KCNQ5: variants seen among roughly 807,000 people sequenced by gnomAD.
KCNQ5 encodes the protein potassium voltage-gated channel subfamily Q member 5.
KCNQ5 carries 30 observed loss-of-function variants against 98.2 expected under a neutral mutation model. The observed-to-expected ratio is 0.31, with a 90% CI of 0.23 to 0.41. The LOEUF (loss-of-function observed/expected upper bound fraction) is 0.41. KCNQ5 is among the 10% of genes least tolerant of loss of function. The pLI is 1.00. For synonymous variants in KCNQ5, 458 were observed against 449.4 expected (o/e 1.02, Z -0.24); for missense variants, 835 against 1,182.5 (o/e 0.71, Z 4.31).
At chr6:73,009,524 G>C (rs1769967569) in intron 2 of KCNQ5, among the ~76,000 whole-genome samples, 1 of 151,802 alleles carries the variant, frequency 6.6e-6, no homozygotes, top group Admixed American at 6.6e-5. Context: ...CAGAACAAAG[G>C]AAACAGTAAA....
chr6:72,927,799 G>C (rs947920932), intron 1 of KCNQ5, among the ~76,000 whole-genome samples: 1 of 151,956 alleles, frequency 6.6e-6, no homozygotes, highest in Non-Finnish European at 1.5e-5. Flanking sequence ...TAAATTTGCA[G>C]TCATTTATAG....
At chr6:72,911,783 G>A (rs934276949) in intron 1 of KCNQ5, among the ~76,000 whole-genome samples, 1 of 152,116 alleles carries the variant, frequency 6.6e-6, no homozygotes, top group African/African-American at 2.4e-5. Flanking sequence ...TTTTTATGGT[G>A]TGTCCAAATC....
At chr6:72,971,780 T>A (rs1055490313) in intron 1 of KCNQ5, among the ~76,000 whole-genome samples, 10 of 152,084 alleles carry the variant, frequency 6.6e-5, no homozygotes, top group African/African-American at 2.4e-4. Flanking sequence ...TAGGTGGGAA[T>A]TGAACAATGA....
chr6:72,816,172 C>T (rs1018783874), intron 1 of KCNQ5, among the ~76,000 whole-genome samples: 4 of 151,958 alleles, frequency 2.6e-5, no homozygotes, highest in East Asian at 1.9e-4. Flanking sequence ...ATTTTATTGT[C>T]GCAAATAAAT....
At chr6:72,992,788 C>A (rs994615381) in intron 1 of KCNQ5, among the ~76,000 whole-genome samples, 4 of 109,894 alleles carry the variant, frequency 3.6e-5, no homozygotes, top group Middle Eastern at 5.0e-3. Flanking sequence ...GATTTTGCAG[C>A]GGCTGGTACC....
intron 2 of KCNQ5, among the ~76,000 whole-genome samples, chr6:73,026,339 T>A (rs1770889207): frequency 6.6e-6 from 1 of 152,230 alleles, no homozygotes; most frequent in Admixed American, 6.5e-5. Context: ...TTACCCAGTC[T>A]ACTTCAGCCA....
At chr6:72,913,775 C>T (rs1241122890) in intron 1 of KCNQ5, among the ~76,000 whole-genome samples, 1 of 152,078 alleles carries the variant, frequency 6.6e-6, no homozygotes, top group African/African-American at 2.4e-5. Flanking sequence ...CTTACAGATT[C>T]GTTTAATGTA....
intron 1 of KCNQ5, among the ~76,000 whole-genome samples, chr6:72,982,657 C>T (rs1335654658): frequency 6.6e-6 from 1 of 151,948 alleles, no homozygotes; most frequent in Non-Finnish European, 1.5e-5. Flanking sequence ...TTAATTGGGG[C>T]ATTTATCCCA....
chr6:73,030,611 C>T (rs1175032185), intron 2 of KCNQ5, among the ~76,000 whole-genome samples: 1 of 152,224 alleles, frequency 6.6e-6, no homozygotes, highest in East Asian at 1.9e-4. Context: ...AGGAGGAAGG[C>T]AAGACTAGGT....
At chr6:73,109,391 T>C (rs1211706176) in intron 6 of KCNQ5, among the ~76,000 whole-genome samples, 1 of 152,134 alleles carries the variant, frequency 6.6e-6, no homozygotes, top group African/African-American at 2.4e-5. Flanking sequence ...TAAATTATGC[T>C]CCATACAAGT....
At chr6:72,946,755 G>T (rs191495047) in intron 1 of KCNQ5, among the ~76,000 whole-genome samples, 55 of 152,294 alleles carry the variant, frequency 3.6e-4, no homozygotes, top group African/African-American at 1.3e-3. Context: ...TGATATTTCT[G>T]TTAATTATAA....
chr6:72,712,238 A>G (rs1410663819), intron 1 of KCNQ5, among the ~76,000 whole-genome samples: 2 of 152,216 alleles, frequency 1.3e-5, no homozygotes, highest in African/African-American at 4.8e-5. Flanking sequence ...ACCTACATTT[A>G]TAGGCTTGGA....
chr6:73,144,605 G>T (rs760375117), intron 10 of KCNQ5, among the ~76,000 whole-genome samples: 166 of 152,136 alleles, frequency 1.1e-3, no homozygotes, highest in Admixed American at 2.2e-3. Flanking sequence ...GTTATCTGTT[G>T]CATAGCTAAC....
At chr6:72,839,715 T>C (rs1017858298) in intron 1 of KCNQ5, among the ~76,000 whole-genome samples, 1 of 152,230 alleles carries the variant, frequency 6.6e-6, no homozygotes, top group African/African-American at 2.4e-5. Flanking sequence ...GGGTACAACA[T>C]GATGTTTTGA....
intron 11 of KCNQ5, among the ~76,000 whole-genome samples, chr6:73,175,790 T>G (rs902491107): frequency 2.0e-5 from 3 of 152,214 alleles, no homozygotes; most frequent in Non-Finnish European, 2.9e-5. Flanking sequence ...TAGAGTCAAT[T>G]ACAATGCAGA....
intron 1 of KCNQ5, among the ~76,000 whole-genome samples, chr6:72,902,523 C>G (rs1030132780): frequency 5.9e-5 from 9 of 151,978 alleles, no homozygotes; most frequent in African/African-American, 2.2e-4. Context: ...CCTGTATGTG[C>G]CAGTTTTGTT....
intron 3 of KCNQ5, among the ~76,000 whole-genome samples, chr6:73,076,749 C>T (rs1773560435): frequency 6.6e-6 from 1 of 152,054 alleles, no homozygotes; most frequent in East Asian, 1.9e-4. Flanking sequence ...TAGCTGAGGC[C>T]TTTGTTAAAC....
chr6:72,626,962 G>C (rs1206862477), intron 1 of KCNQ5, among the ~76,000 whole-genome samples: 1 of 152,228 alleles, frequency 6.6e-6, no homozygotes, highest in South Asian at 2.1e-4. Flanking sequence ...ATGGGACAAA[G>C]AGTGAAGGGC....
At chr6:72,753,748 T>C (rs142211958) in intron 1 of KCNQ5, among the ~76,000 whole-genome samples, 8 of 152,210 alleles carry the variant, frequency 5.3e-5, no homozygotes, top group Admixed American at 1.3e-4. Flanking sequence ...TTTTAAAATA[T>C]TTTGACCAAT....
Sources: allele counts gnomAD v4.1 joint callset (sites outside exome capture counted in the v4.1 genomes callset), GRCh38; gene constraint gnomAD v4.1.1; transcripts MANE v1.5; gene names NCBI Gene and HGNC (gene_info 2026-07-23, HGNC 2026-07-21).